The following LCORL variants were observed in gnomAD, a reference collection of about 807,000 sequenced individuals.
The protein encoded by LCORL is ligand dependent nuclear receptor corepressor like, also known as ligand-dependent nuclear receptor corepressor-like protein.
Under a neutral mutation model 141.8 loss-of-function variants are expected in LCORL, and 41 were observed. The observed-to-expected ratio is 0.29, with a 90% CI of 0.23 to 0.38. LCORL has a LOEUF of 0.38. Ranked by LOEUF, LCORL falls within the 10% of genes least tolerant of loss-of-function variation. The probability of loss-of-function intolerance (pLI) is 1.00; values close to 1 mark genes in which losing one functional copy is unlikely to be tolerated. For missense variants in LCORL, 1,759 were observed against 2,035.0 expected (o/e 0.86, Z 2.61); for synonymous variants, 618 against 694.1 (o/e 0.89, Z 1.72).
chr4:17,886,279 T>C, intron 5 of LCORL, 118 bp from the exon 6 acceptor site: 2 of 648,058 alleles, frequency 3.1e-6, no homozygotes, highest in South Asian at 3.7e-5. Context: ...ATGTGGCCAT[T>C]ACCTATTCAT....
At chr4:18,017,526 C>T (rs534534952) in intron 1 of LCORL, among the ~76,000 whole-genome samples, 89 of 152,258 alleles carry the variant, frequency 5.8e-4, no homozygotes, top group African/African-American at 1.9e-3. Context: ...GGCAGAACAT[C>T]TCTTAAGTGG....
exon 8 of LCORL, chr4:17,842,166 C>A: frequency 1.6e-6 from 1 of 610,054 alleles, no homozygotes. Context: ...ATAACTGGTA[C>A]CAAGATGGCT....
intron 7 of LCORL, among the ~76,000 whole-genome samples, chr4:17,854,713 T>A (rs965591750): frequency 9.9e-5 from 15 of 152,146 alleles, no homozygotes; most frequent in African/African-American, 3.6e-4. Context: ...AAAACTTAGT[T>A]TTTCTCAAAA....
At chr4:17,975,883 G>A (rs1185984239) in intron 1 of LCORL, among the ~76,000 whole-genome samples, 1 of 152,116 alleles carries the variant, frequency 6.6e-6, no homozygotes, top group Non-Finnish European at 1.5e-5. Context: ...TTAAGATTTA[G>A]CTGATTGATA....
intron 2 of LCORL, among the ~76,000 whole-genome samples, chr4:17,970,433 G>C (rs562754424): frequency 6.6e-6 from 1 of 152,114 alleles, no homozygotes; most frequent in African/African-American, 2.4e-5. Context: ...GGAAGAGAAG[G>C]CTATAATAAA....
At chr4:17,893,579 T>C (rs1223792141) in intron 5 of LCORL, 1 of 985,186 alleles carries the variant, frequency 1.0e-6, no homozygotes, top group East Asian at 1.1e-4. Context: ...CACCTGCAGA[T>C]AGCTCTGGGT....
At chr4:17,876,487 C>T in exon 7 of LCORL, 1 of 1,230,846 alleles carries the variant, frequency 8.1e-7, no homozygotes, top group South Asian at 4.1e-5. Flanking sequence ...TTCACAACCA[C>T]TTGTAAATTA....
chr4:17,999,191 A>AGCAGGGTGCGGTGGCTCAC (rs1553885417), intron 1 of LCORL, among the ~76,000 whole-genome samples: 3 of 150,436 alleles, frequency 2.0e-5, no homozygotes, highest in Non-Finnish European at 3.0e-5. Flanking sequence ...AGGATGTCTA[A>AGCAGGGTGCGGTGGCTCAC]GCCTGTAATC....
chr4:17,866,417 GT>G (rs1456546050), intron 7 of LCORL, among the ~76,000 whole-genome samples: 8 of 152,140 alleles, frequency 5.3e-5, no homozygotes, highest in African/African-American at 1.9e-4. Context: ...ACCATATCTG[GT>G]TTTGCCCCCA....
intron 1 of LCORL, among the ~76,000 whole-genome samples, chr4:17,980,333 C>T (rs138510824): frequency 5.3e-4 from 80 of 152,286 alleles, no homozygotes; most frequent in Middle Eastern, 3.4e-3. Context: ...CTGATCATCA[C>T]CAAAGCAAAC....
rs143219635 is a variant in LCORL, at chr4:17,870,223, G to A, written c.5602+3165C>T. Among the ~76,000 whole-genome samples, 288 of 152,148 alleles carry A rather than the reference G, an allele frequency of 1.9e-3. 1 individual carries two copies. Among genetic ancestry groups the A allele is most frequent in the African/African-American group, 6.3e-3 (261 of 41,504 alleles). On this transcript the variant is annotated intron_variant, in intron 7 of 7. Coordinates refer to ENST00000635767, the Ensembl canonical transcript of LCORL. ...CACAATCATGGCTCACTGAAGCCTC[G>A]ACCTCCCAGGTTCAAGCAAGGTGTG...
intron 4 of LCORL, among the ~76,000 whole-genome samples, chr4:17,916,516 T>G (rs1377459449): frequency 6.6e-6 from 1 of 152,198 alleles, no homozygotes; most frequent in Non-Finnish European, 1.5e-5. Flanking sequence ...ATGTGCTGGC[T>G]TCTGCTTTGC....
chr4:17,988,269 G>A (rs1481209383), intron 1 of LCORL, among the ~76,000 whole-genome samples: 1 of 152,072 alleles, frequency 6.6e-6, no homozygotes, highest in African/African-American at 2.4e-5. Flanking sequence ...TCTCGGGTAT[G>A]TCTTTATCAG....
At chr4:17,877,414 C>G (rs1055948393) in exon 7 of LCORL, 7 of 1,229,724 alleles carry the variant, frequency 5.7e-6, no homozygotes, top group Non-Finnish European at 7.1e-6. Context: ...TGAAAAATTA[C>G]AGCAGTTTCA....
At chr4:17,873,784 A>C (rs1726629229) in exon 7 of LCORL, 1 of 1,234,156 alleles carries the variant, frequency 8.1e-7, no homozygotes, top group East Asian at 3.2e-5. Context: ...TGTTCAAGAC[A>C]GTTGAGCTTC....
chr4:17,948,871 G>A (rs1309444946), intron 4 of LCORL, among the ~76,000 whole-genome samples: 1 of 151,200 alleles, frequency 6.6e-6, no homozygotes, highest in Non-Finnish European at 1.5e-5. Context: ...GGAGAAAACG[G>A]TACAGTGAAA....
chr4:17,895,443 A>G (rs1218651277), intron 5 of LCORL, among the ~76,000 whole-genome samples: 1 of 151,994 alleles, frequency 6.6e-6, no homozygotes, highest in Non-Finnish European at 1.5e-5. Context: ...ATTTCATTTT[A>G]CTTAATGTCC....
intron 5 of LCORL, among the ~76,000 whole-genome samples, chr4:17,900,277 A>G (rs188743136): frequency 1.3e-5 from 2 of 152,210 alleles, no homozygotes; most frequent in East Asian, 3.9e-4. Context: ...CTATAATCTC[A>G]CCTTATTAAA....
intron 1 of LCORL, among the ~76,000 whole-genome samples, chr4:17,989,077 T>G (rs1307802407): frequency 6.6e-6 from 1 of 152,222 alleles, no homozygotes; most frequent in African/African-American, 2.4e-5. Flanking sequence ...TGCTAAACTA[T>G]CCACCAGCTT....
Sources: allele counts gnomAD v4.1 joint callset (sites outside exome capture counted in the v4.1 genomes callset), GRCh38; gene constraint gnomAD v4.1.1; transcripts MANE v1.5; gene names NCBI Gene and HGNC (gene_info 2026-07-23, HGNC 2026-07-21).